The following IQCH variants were observed in gnomAD, a reference collection of about 807,000 sequenced individuals.
IQCH encodes the protein IQ motif containing H, also known as IQ domain-containing protein H.
A neutral mutation model predicts 117.0 loss-of-function variants in IQCH; 98 were observed. The ratio of observed to expected loss-of-function variants is 0.84; its 90% confidence interval spans 0.71 to 0.99. The LOEUF (loss-of-function observed/expected upper bound fraction) is 0.99, where lower values mean the gene tolerates loss of function less well. Ranked by LOEUF, IQCH falls within the 50% of genes least tolerant of loss-of-function variation. The probability of loss-of-function intolerance (pLI) is 0.00; values close to 1 mark genes in which losing one functional copy is unlikely to be tolerated. For missense variants in IQCH, 1,102 were observed against 1,243.8 expected (o/e 0.89, Z 1.72); for synonymous variants, 412 against 448.2 (o/e 0.92, Z 1.02).
Position 67,475,196 on chromosome 15 carries a change from G to C in IQCH, c.2677-500G>C, listed in dbSNP as rs1447809906. On this transcript the variant is annotated intron_variant, in intron 17 of 20. Transcript: ENST00000335894. The surrounding 1 kb of genome is among the most constrained non-coding windows in gnomAD (Gnocchi z 5.7). ...GGATTTATGTTAATAGTAATGTAGGGCCAGGTGTGGTGGCTCACGCCGGTA... is the reference window on the plus strand; with the variant it reads ...GGATTTATGTTAATAGTAATGTAGGCCCAGGTGTGGTGGCTCACGCCGGTA... Among the ~76,000 whole-genome samples the C allele has an allele frequency of 6.6e-6, 1 of 152,234 alleles. No homozygotes were observed. Among genetic ancestry groups the C allele is most frequent in the African/African-American group, 2.4e-5 (1 of 41,466 alleles).
At position 67,416,829 on chromosome 15, in the gene IQCH, C is replaced by A; in HGVS notation, c.2098-102C>A. On this transcript the variant is annotated intron_variant, in intron 14 of 20. Transcript: ENST00000335894. The surrounding 1 kb of genome is among the most constrained non-coding windows in gnomAD (Gnocchi z 5.1). ...TCTGACTCTGGGTAAACAGTAACCA[C>A]ATTTTTTTTGCCTGTTGGAGGCCTG... The A allele has an allele frequency of 1.1e-6, 1 of 929,558 alleles. No homozygotes were observed. Among genetic ancestry groups the A allele is most frequent in the South Asian group, 3.1e-5 (1 of 32,210 alleles). The allele number at this position is 929,558 out of a possible 1,614,324, so 57.6% of individuals were successfully genotyped here.
chr15:67,371,324 C>T (rs929885707), intron 8 of IQCH: 10 of 447,638 alleles, frequency 2.2e-5, no homozygotes, highest in Non-Finnish European at 3.7e-5. Context: ...GCATCCGAGT[C>T]TTAGAAATTT....
In IQCH at chr15:67,369,409, A is replaced by C. The variant is rs1028835019; in HGVS notation, c.754-2702A>C. 6.6e-6 allele frequency among the ~76,000 whole-genome samples: 1 copy of C among 152,128 alleles called. No individual in the cohort carries two copies. Among genetic ancestry groups the C allele is most frequent in the African/African-American group, 2.4e-5 (1 of 41,424 alleles). ...GAAATCCTTCTTGGCTAGAAGGAAA[A>C]AAAAATTGCCGTCAAGTCAGTAATA... is the stretch of plus-strand genomic sequence containing the variant. On this transcript the variant is annotated intron_variant, in intron 8 of 20. Transcript: ENST00000335894. This position sits in a 1 kb window ranked among gnomAD's most constrained non-coding sequence, Gnocchi z 5.2.
At chr15:67,270,926 G>A (rs1205857518) in intron 3 of IQCH, among the ~76,000 whole-genome samples, 1 of 152,170 alleles carries the variant, frequency 6.6e-6, no homozygotes, top group African/African-American at 2.4e-5. Flanking sequence ...CTGTTAAAGT[G>A]ATGTATCACA....
intron 13 of IQCH, among the ~76,000 whole-genome samples, chr15:67,399,200 T>C (rs1409110752): frequency 6.6e-6 from 1 of 152,230 alleles, no homozygotes; most frequent in Non-Finnish European, 1.5e-5. Flanking sequence ...ACTCTGCTAC[T>C]CAATGCTGTG....
intron 16 of IQCH, among the ~76,000 whole-genome samples, chr15:67,435,008 A>AT (rs1445128552): frequency 1.5e-5 from 2 of 136,862 alleles, no homozygotes; most frequent in African/African-American, 5.4e-5. Context: ...AATTTTTTTT[A>AT]ATTTTTTTAA....
At chr15:67,353,676 A>G (rs1278642879) in intron 6 of IQCH, among the ~76,000 whole-genome samples, 1 of 152,184 alleles carries the variant, frequency 6.6e-6, no homozygotes, top group East Asian at 1.9e-4. Flanking sequence ...CTTCTTTAAA[A>G]GAACATAAAA....
Position 67,421,367 on chromosome 15 carries a change from G to T in IQCH, c.2295G>T (p.Gly765=), listed in dbSNP as rs773649823. Residue 765 remains glycine, a synonymous_variant, in exon 16 of 21, where the codon GGG becomes GGT. Transcript: ENST00000335894. Reference sequence around the variant, plus strand: ...TGGACATGCTGATAGAGCCCAACGGGAAAATCAGCGTGCTGTCGACAGGGG... The same window carrying T: ...TGGACATGCTGATAGAGCCCAACGGTAAAATCAGCGTGCTGTCGACAGGGG... ...LTVDMLIEPN[G]KISVLSTGDQ... 4.3e-6 allele frequency: 7 copies of T among 1,614,030 alleles called. No individual in the cohort carries two copies. The African/African-American group carries it at 6.7e-5, about 15-fold the overall frequency.
intron 18 of IQCH, among the ~76,000 whole-genome samples, chr15:67,488,251 C>T (rs982516169): frequency 1.3e-5 from 2 of 152,114 alleles, no homozygotes; most frequent in South Asian, 2.1e-4. Context: ...TTGGGGACAT[C>T]GAGGCTGCAG....
chr15:67,327,049 T>G (rs1456828225), intron 4 of IQCH, among the ~76,000 whole-genome samples: 2 of 152,190 alleles, frequency 1.3e-5, no homozygotes, highest in Non-Finnish European at 2.9e-5. Context: ...ATCTAGAATA[T>G]CCTATGTATT....
rs1301806092 is a variant in IQCH, at chr15:67,453,690, G to A, written c.2506-11437G>A. Reference sequence around the variant, plus strand: ...AGGGGTCAGGGACCCACTTGAGGAGGCAGTCTGCCCGTTCTCAGATCTCAA... The same window carrying A: ...AGGGGTCAGGGACCCACTTGAGGAGACAGTCTGCCCGTTCTCAGATCTCAA... On this transcript the variant is annotated intron_variant, in intron 16 of 20. Coordinates refer to ENST00000335894, the MANE Select transcript of IQCH (RefSeq NM_001031715.3). This position sits in a 1 kb window ranked among gnomAD's most constrained non-coding sequence, Gnocchi z 5.8. Among the ~76,000 whole-genome samples, 2 of 152,226 alleles carry A rather than the reference G, an allele frequency of 1.3e-5. No homozygotes were observed. The highest frequency in any genetic ancestry group is 1.5e-5 in the Non-Finnish European group (1 of 68,046).
At chr15:67,341,242 A>G (rs545860436) in intron 5 of IQCH, among the ~76,000 whole-genome samples, 57 of 152,270 alleles carry the variant, frequency 3.7e-4, no homozygotes, top group Admixed American at 6.5e-4. Context: ...AAAGAGAGAG[A>G]AAATAAACAC....
chr15:67,261,950 A>G (rs1465895664), intron 2 of IQCH, among the ~76,000 whole-genome samples: 4 of 152,034 alleles, frequency 2.6e-5, no homozygotes, highest in African/African-American at 9.7e-5. Context: ...TTAGCCAGGC[A>G]TGGTGGCACA....
chr15:67,269,697 C>T (rs936122946), intron 3 of IQCH, among the ~76,000 whole-genome samples: 6 of 9,358 alleles, frequency 6.4e-4, no homozygotes, highest in Non-Finnish European at 1.1e-3. Context: ...TCATGAGATC[C>T]ACTTTTTTTT....
At chr15:67,377,902 T>A (rs1970792961) in intron 10 of IQCH, among the ~76,000 whole-genome samples, 1 of 152,190 alleles carries the variant, frequency 6.6e-6, no homozygotes, top group Non-Finnish European at 1.5e-5. Flanking sequence ...CAAGTTATTC[T>A]TGGGGTTAAA....
In IQCH at chr15:67,490,900, CT is replaced by C. The variant is rs1260595547; in HGVS notation, c.2861+837del. Among the ~76,000 whole-genome samples, 4 of 152,214 alleles carry C rather than the reference CT, an allele frequency of 2.6e-5. No individual in the cohort carries two copies. Among genetic ancestry groups the C allele is most frequent in the Non-Finnish European group, 4.4e-5 (3 of 68,036 alleles). The stretch of plus-strand genomic sequence containing the variant: ...ATTTCCCTCTGGGATATTTTGGAGC[CT>C]AGCAAAGCCTCCTATCTAGGACTCA... On this transcript the variant is annotated intron_variant, in intron 19 of 20. Transcript: ENST00000335894. The surrounding 1 kb of genome is among the most constrained non-coding windows in gnomAD (Gnocchi z 4.9).
chr15:67,400,201 G>A lies in IQCH; in HGVS notation c.1993G>A (p.Gly665Arg), dbSNP rs753574412. Residue 665 changes from glycine (G) to arginine (R), a missense_variant, in exon 14 of 21, where the codon GGG (glycine) becomes AGG (arginine). Gly to Arg is a moderately radical substitution (Grantham distance 125). Coordinates refer to ENST00000335894, the MANE Select transcript of IQCH (RefSeq NM_001031715.3). ...FKMDSEFRGN[G>R]TAFCDIPSYL... ...AATGGACTCTGAGTTCCGAGGAAATGGGACTGCATTTTGTGATATTCCTTC... is the reference window on the plus strand; with the variant it reads ...AATGGACTCTGAGTTCCGAGGAAATAGGACTGCATTTTGTGATATTCCTTC... The A allele has an allele frequency of 1.9e-6, 3 of 1,613,398 alleles. No individual in the cohort carries two copies. The highest frequency in any genetic ancestry group is 1.7e-6 in the Non-Finnish European group (2 of 1,179,540).
intron 6 of IQCH, among the ~76,000 whole-genome samples, chr15:67,345,808 GAA>G (rs1217925305): frequency 6.6e-6 from 1 of 152,120 alleles, no homozygotes; most frequent in African/African-American, 2.4e-5. Context: ...AAATCTGAAT[GAA>G]GTCTTGAGTT....
rs927460513 is a variant in IQCH, at chr15:67,436,264, A to G, written c.2505+14687A>G. Among the ~76,000 whole-genome samples, 1 of 152,176 alleles carries G rather than the reference A, an allele frequency of 6.6e-6. No homozygotes were observed. The highest frequency in any genetic ancestry group is 1.5e-5 in the Non-Finnish European group (1 of 68,032). On this transcript the variant is annotated intron_variant, in intron 16 of 20. Transcript: ENST00000335894. The surrounding 1 kb of genome is among the most constrained non-coding windows in gnomAD (Gnocchi z 5.1). ...GAGTGCCCCAACTGCGGAAGTAGGA[A>G]AGGGAGACCCTCCTCTCTCAAACAC...
Sources: allele counts gnomAD v4.1 joint callset (sites outside exome capture counted in the v4.1 genomes callset), GRCh38; gene constraint gnomAD v4.1.1; non-coding constraint Gnocchi (gnomAD v3.1); transcripts MANE v1.5; gene names NCBI Gene and HGNC (gene_info 2026-07-23, HGNC 2026-07-21).